Variants in LARS2 observed in about 807,000 individuals in gnomAD.
The protein encoded by LARS2 is leucyl-tRNA synthetase 2, mitochondrial.
Under a neutral mutation model 116.6 loss-of-function variants are expected in LARS2, and 81 were observed. That is an observed-to-expected ratio of 0.69 (90% CI 0.58 to 0.84). The LOEUF is 0.84. Among genes scored for constraint, LARS2 ranks in the 40% least tolerant of loss-of-function variants. LARS2 has a pLI of 0.00. For missense variants in LARS2, 968 were observed against 1,114.5 expected, an observed-to-expected ratio of 0.87 and a Z score of 1.87; for synonymous variants, 396 against 407.2, an observed-to-expected ratio of 0.97 and a Z score of 0.33.
intron 10 of LARS2, among the ~76,000 whole-genome samples, chr3:45,481,330 T>G (rs1292885078): frequency 1.3e-5 from 2 of 152,278 alleles, no homozygotes; most frequent in Non-Finnish European, 2.9e-5. Flanking sequence ...CTATGAACAT[T>G]AATAAAGATT....
intron 5 of LARS2, 26 bp downstream of exon 5, chr3:45,417,599 T>G (rs2125686702): frequency 6.4e-7 from 1 of 1,552,270 alleles, no homozygotes; most frequent in African/African-American, 1.4e-5. Context: ...CATATTCAAA[T>G]ACTTGCATAC....
intron 7 of LARS2, among the ~76,000 whole-genome samples, chr3:45,449,547 C>G (rs1334177632): frequency 2.6e-5 from 4 of 152,130 alleles, no homozygotes; most frequent in African/African-American, 9.7e-5. Context: ...GAGCAGAGCC[C>G]TCATGACCTA....
chr3:45,492,553 G>A (rs553726421), intron 13 of LARS2, among the ~76,000 whole-genome samples: 165 of 152,304 alleles, frequency 1.1e-3, no homozygotes, highest in Non-Finnish European at 1.9e-3. Context: ...AGGTAACCAC[G>A]TAGTGTAATT....
At chr3:45,520,191 A>C (rs1279102557) in intron 18 of LARS2, 28 bp from the exon 19 acceptor site, 11 of 1,504,194 alleles carry the variant, frequency 7.3e-6, no homozygotes, top group Non-Finnish European at 9.2e-6. Flanking sequence ...ATTTTGAAAT[A>C]AGTAAATAAT....
chr3:45,474,476 T>A, intron 9 of LARS2, 126 bp downstream of exon 9: 1 of 449,300 alleles, frequency 2.2e-6, no homozygotes, highest in Non-Finnish European at 4.0e-6. Flanking sequence ...AATTTTAAAT[T>A]TTCTAGTAGC....
chr3:45,417,133 T>TGTGTGTGTGTA (rs1354993776), intron 4 of LARS2, among the ~76,000 whole-genome samples: 4 of 149,452 alleles, frequency 2.7e-5, no homozygotes, highest in Non-Finnish European at 5.9e-5. Flanking sequence ...AGCCTATACA[T>TGTGTGTGTGTA]TATGTGTGTG....
chr3:45,532,626 G>A (rs192025806), intron 20 of LARS2, among the ~76,000 whole-genome samples: 12 of 152,158 alleles, frequency 7.9e-5, no homozygotes, highest in African/African-American at 2.7e-4. Flanking sequence ...TTCACAGAGG[G>A]AATGAGTTGC....
chr3:45,463,683 TC>T (rs1699373157), intron 8 of LARS2, among the ~76,000 whole-genome samples: 1 of 152,014 alleles, frequency 6.6e-6, no homozygotes, highest in African/African-American at 2.4e-5. Flanking sequence ...ATTTTTTTTT[TC>T]CTGAGATGTT....
intron 20 of LARS2, among the ~76,000 whole-genome samples, chr3:45,533,939 C>T (rs1360008420): frequency 6.6e-6 from 1 of 152,170 alleles, no homozygotes. Context: ...TAGATTGAAC[C>T]TTAGTTTTGC....
intron 6 of LARS2, among the ~76,000 whole-genome samples, chr3:45,423,310 ATTGTTT>A (rs779989956): frequency 3.3e-5 from 5 of 151,664 alleles, no homozygotes; most frequent in Admixed American, 2.6e-4. Flanking sequence ...TTACTGTTTC[ATTGTTT>A]TTGTTTTTGT....
intron 6 of LARS2, among the ~76,000 whole-genome samples, chr3:45,428,112 C>T (rs547092505): frequency 1.1e-4 from 16 of 151,936 alleles, no homozygotes; most frequent in East Asian, 3.9e-4. Context: ...TGAGCCACCA[C>T]GCCTGGCCAC....
At chr3:45,511,958 T>C (rs550555870) in intron 15 of LARS2, among the ~76,000 whole-genome samples, 1 of 152,068 alleles carries the variant, frequency 6.6e-6, no homozygotes, top group African/African-American at 2.4e-5. Flanking sequence ...TGTATTTTAG[T>C]AGAGACGGGG....
Position 45,500,535 on chromosome 3 carries a change from A to C in LARS2, c.1716A>C (p.Arg572Ser), listed in dbSNP as rs1278387946. ...EHAVMHLFYA[R>S]FFSHFCHDQK... ...CCGTCATGCACTTGTTCTATGCAAGATTCTTTAGTCATTTTTGCCATGATC... is the reference window on the plus strand; with the variant it reads ...CCGTCATGCACTTGTTCTATGCAAGCTTCTTTAGTCATTTTTGCCATGATC... Residue 572 changes from arginine to serine, a missense_variant, in exon 15 of 22, where the codon AGA (arginine) becomes AGC (serine). Coordinates refer to ENST00000645846, the MANE Select transcript of LARS2 (RefSeq NM_015340.4). The C allele has an allele frequency of 1.3e-6, 2 of 1,572,652 alleles. No individual in the cohort carries two copies. The highest frequency in any genetic ancestry group is 2.4e-5 in the South Asian group (2 of 83,160).
At chr3:45,523,428 C>T (rs192234493) in intron 19 of LARS2, among the ~76,000 whole-genome samples, 11 of 152,240 alleles carry the variant, frequency 7.2e-5, no homozygotes, top group Admixed American at 5.2e-4. Context: ...CCTTGCTGAT[C>T]CTTAGCTGCT....
chr3:45,545,317 C>T (rs980521724), intron 21 of LARS2, among the ~76,000 whole-genome samples: 1 of 152,210 alleles, frequency 6.6e-6, no homozygotes, highest in Non-Finnish European at 1.5e-5. Context: ...GGCCTGGGCC[C>T]TGTCCGGCAG....
At chr3:45,389,386 C>T (rs9865493) in intron 1 of LARS2, among the ~76,000 whole-genome samples, 4,104 of 152,204 alleles carry the variant, frequency 0.027, 209 homozygotes, top group African/African-American at 0.094. Flanking sequence ...TGGGCTCTGA[C>T]GGCTCCAGCA....
intron 6 of LARS2, among the ~76,000 whole-genome samples, chr3:45,439,903 A>G (rs1447434001): frequency 1.4e-4 from 22 of 152,138 alleles, no homozygotes; most frequent in Admixed American, 1.4e-3. Context: ...TGGGAGAGAG[A>G]TATATTCGGG....
chr3:45,520,092 T>TA (rs1700429098), intron 18 of LARS2, 127 bp from the exon 19 acceptor site: 1 of 663,536 alleles, frequency 1.5e-6, no homozygotes, highest in Non-Finnish European at 2.7e-6. Context: ...TTTGAGATAG[T>TA]AGATATATTT....
At chr3:45,477,671 A>G (rs544927158) in intron 10 of LARS2, among the ~76,000 whole-genome samples, 138 of 152,248 alleles carry the variant, frequency 9.1e-4, no homozygotes, top group Non-Finnish European at 1.8e-3. Context: ...GAAGTAATTT[A>G]AATATTTCCA....
Sources: gnomAD v4.1 joint callset for allele counts (sites outside exome capture counted in the v4.1 genomes callset) on GRCh38, gnomAD v4.1.1 for gene constraint, MANE v1.5 for transcripts, NCBI Gene and HGNC (gene_info 2026-07-23, HGNC 2026-07-21) for gene names.